The following GSDMC variants were observed in gnomAD, a reference collection of about 807,000 sequenced individuals.
The protein encoded by GSDMC is gasdermin-C.
A neutral mutation model predicts 58.0 loss-of-function variants in GSDMC; 59 were observed. The ratio of observed to expected loss-of-function variants is 1.02; its 90% CI spans 0.82 to 1.26. GSDMC has a LOEUF of 1.26. Among genes scored for constraint, GSDMC ranks in the 50% most tolerant of loss-of-function variants. The pLI is 0.00. For missense variants in GSDMC, 659 were observed against 598.5 expected (o/e 1.10, Z -1.06); for synonymous variants, 241 against 220.2 (o/e 1.09, Z -0.83).
the GSDMC span, among the ~76,000 whole-genome samples, chr8:129,739,827 T>A: frequency 2.0e-5 from 3 of 152,240 alleles, no homozygotes; most frequent in Non-Finnish European, 2.9e-5. Context: ...CATATTTTTT[T>A]AATTTAATAT....
chr8:129,755,092 T>C (rs1253297839), intron 6 of GSDMC, among the ~76,000 whole-genome samples: 1 of 152,136 alleles, frequency 6.6e-6, no homozygotes, highest in Non-Finnish European at 1.5e-5. Context: ...TATAGAAAGA[T>C]ACCAACATTC....
chr8:129,738,429 G>A, the GSDMC span, among the ~76,000 whole-genome samples: 1 of 152,182 alleles, frequency 6.6e-6, no homozygotes, highest in African/African-American at 2.4e-5. Flanking sequence ...TGATAGACTG[G>A]ATTAAGAAAA....
intron 4 of GSDMC, among the ~76,000 whole-genome samples, chr8:129,763,537 T>C (rs1417558178): frequency 6.6e-6 from 1 of 152,258 alleles, no homozygotes; most frequent in East Asian, 1.9e-4. Flanking sequence ...CTGGAACTCG[T>C]ATTATTCAGG....
intron 4 of GSDMC, among the ~76,000 whole-genome samples, chr8:129,763,672 G>A (rs1240901436): frequency 6.6e-6 from 1 of 152,102 alleles, no homozygotes; most frequent in African/African-American, 2.4e-5. Context: ...AACTTCCCAG[G>A]CTCAAGCAAT....
chr8:129,758,942 C>T (rs910726139), intron 6 of GSDMC, among the ~76,000 whole-genome samples: 3 of 152,088 alleles, frequency 2.0e-5, no homozygotes, highest in East Asian at 3.8e-4. Flanking sequence ...CCAGAAGAAT[C>T]ACATTACCTG....
the GSDMC span, among the ~76,000 whole-genome samples, chr8:129,725,385 AGAGTT>A: frequency 6.6e-6 from 1 of 152,214 alleles, no homozygotes; most frequent in African/African-American, 2.4e-5. Flanking sequence ...CTCAATTTCC[AGAGTT>A]GATATTGTGT....
downstream of GSDMC, among the ~76,000 whole-genome samples, chr8:129,744,566 G>T (rs1278862109): frequency 1.3e-5 from 2 of 152,216 alleles, no homozygotes; most frequent in African/African-American, 4.8e-5. Flanking sequence ...CATTCATGCA[G>T]AAGTAAAAAG....
chr8:129,762,800 G>C lies in GSDMC; in HGVS notation c.571-69C>G, dbSNP rs548304860. ...TTTAAAGGTCAGATGGCTCTAGAAA[G>C]CTCATTAGGAAAAACATCAGCATTC... On this transcript the variant is annotated intron_variant, in intron 4 of 13. Coordinates refer to ENST00000276708, the MANE Select transcript of GSDMC (RefSeq NM_031415.3). 9.5e-5 allele frequency: 99 copies of C among 1,045,864 alleles called. 1 individual carries two copies. In the South Asian group the frequency reaches 1.3e-3, roughly 14 times the overall value. The allele number at this position is 1,045,864 out of a possible 1,614,324, so 64.8% of individuals were successfully genotyped here.
the GSDMC span, chr8:129,729,230 T>G: frequency 4.7e-6 from 3 of 642,636 alleles, no homozygotes; most frequent in Non-Finnish European, 5.9e-6. Context: ...CCTGGAATAT[T>G]TTCCAAGTGA....
At chr8:129,751,828 T>TGGG in intron 9 of GSDMC, 34 bp downstream of exon 9, 1 of 1,576,996 alleles carries the variant, frequency 6.3e-7, no homozygotes, top group Non-Finnish European at 8.7e-7. Flanking sequence ...CAGGATGGGA[T>TGGG]CCCCACCCCC....
intron 3 of GSDMC, among the ~76,000 whole-genome samples, chr8:129,775,730 G>T (rs1378352380): frequency 6.6e-6 from 1 of 152,008 alleles, no homozygotes; most frequent in Non-Finnish European, 1.5e-5. Context: ...TAAAGTCTTT[G>T]TCTCACTTAA....
intron 1 of GSDMC, among the ~76,000 whole-genome samples, chr8:129,780,516 C>A (rs1190284306): frequency 6.6e-6 from 1 of 152,048 alleles, no homozygotes; most frequent in African/African-American, 2.4e-5. Context: ...GGGAAAAAAA[C>A]TTTTACCCTA....
chr8:129,744,728 G>T (rs930644539), downstream of GSDMC, among the ~76,000 whole-genome samples: 2 of 152,146 alleles, frequency 1.3e-5, no homozygotes, highest in Non-Finnish European at 2.9e-5. Flanking sequence ...CACACTAACC[G>T]TCTTTAAGAA....
In GSDMC at chr8:129,752,164, A is replaced by C; in HGVS notation, c.845-17T>G. 1 of 1,607,748 alleles carries C rather than the reference A, an allele frequency of 6.2e-7. No individual in the cohort carries two copies. Among genetic ancestry groups the C allele is most frequent in the Non-Finnish European group, 8.5e-7 (1 of 1,174,460 alleles). The stretch of plus-strand genomic sequence containing the variant: ...GAAATAGCTCTGGAAAGAGAAAGAA[A>C]AGTGTTTACTCACCAAACATTAGTC... On this transcript the variant is annotated splice_polypyrimidine_tract_variant and intron_variant, in intron 7 of 13. Coordinates refer to ENST00000276708, the MANE Select transcript of GSDMC (RefSeq NM_031415.3).
At chr8:129,718,974 G>A in the GSDMC span, among the ~76,000 whole-genome samples, 1 of 152,116 alleles carries the variant, frequency 6.6e-6, no homozygotes, top group Non-Finnish European at 1.5e-5. Flanking sequence ...ATAAGTGGGA[G>A]CTGAACAATG....
At chr8:129,775,241 G>C (rs1229602762) in intron 3 of GSDMC, among the ~76,000 whole-genome samples, 1 of 152,112 alleles carries the variant, frequency 6.6e-6, no homozygotes, top group African/African-American at 2.4e-5. Flanking sequence ...CCATAAAAAA[G>C]GAAGAAACCC....
chr8:129,746,868 G>T (rs2032973175), downstream of GSDMC, among the ~76,000 whole-genome samples: 1 of 152,070 alleles, frequency 6.6e-6, no homozygotes, highest in African/African-American at 2.4e-5. Context: ...AAATATGAAG[G>T]GACTTGGGGA....
the GSDMC span, chr8:129,729,134 G>A: frequency 1.5e-6 from 1 of 656,466 alleles, no homozygotes; most frequent in South Asian, 1.5e-5. Context: ...TGCAGGAGTT[G>A]GAAGACAGGA....
At chr8:129,747,600 A>C (rs1235094374), downstream of GSDMC, among the ~76,000 whole-genome samples, 1 of 152,162 alleles carries the variant, frequency 6.6e-6, no homozygotes, top group Non-Finnish European at 1.5e-5. Flanking sequence ...GGAGCATCTA[A>C]AGGATTTTAG....
Sources: allele counts gnomAD v4.1 joint callset (sites outside exome capture counted in the v4.1 genomes callset), GRCh38; gene constraint gnomAD v4.1.1; transcripts MANE v1.5; gene names NCBI Gene and HGNC (gene_info 2026-07-23, HGNC 2026-07-21).